LRP1B: variants seen among roughly 807,000 people sequenced by gnomAD.
The protein encoded by LRP1B is low-density lipoprotein receptor-related protein 1B.
A neutral mutation model predicts 556.6 loss-of-function variants in LRP1B; 217 were observed. The observed-to-expected ratio is 0.39, with a 90% CI of 0.35 to 0.44. LRP1B has a LOEUF of 0.44. LRP1B is among the 20% of genes least tolerant of loss of function. The pLI, the probability that LRP1B is intolerant of heterozygous loss-of-function variation, is 1.00. For synonymous variants in LRP1B, 2,047 were observed against 1,865.8 expected (o/e 1.10, Z -2.50); for missense variants, 5,053 against 5,620.8 (o/e 0.90, Z 3.23).
At chr2:142,114,891 A>T (rs533959128) in intron 1 of LRP1B, among the ~76,000 whole-genome samples, 2 of 152,142 alleles carry the variant, frequency 1.3e-5, no homozygotes, top group African/African-American at 2.4e-5. Context: ...AAAGTGAAAG[A>T]TTTGGAATGT....
intron 43 of LRP1B, among the ~76,000 whole-genome samples, chr2:140,554,088 AT>A (rs1680643653): frequency 6.6e-6 from 1 of 151,932 alleles, no homozygotes; most frequent in African/African-American, 2.4e-5. Flanking sequence ...ATTATTTTTC[AT>A]TTTTCTTTGG....
At position 140,281,106 on chromosome 2, in the gene LRP1B, T is replaced by A. The variant is rs1033335683; in HGVS notation, c.12968-6508A>T. Among the ~76,000 whole-genome samples the A allele has an allele frequency of 5.3e-5, 8 of 151,534 alleles. No homozygotes were observed. The East Asian group carries it at 7.8e-4, about 15-fold the overall frequency. ...TTCAAGGGAGATCATTATTGCACACTCTCTCTTTTTCTTTCTCTTTTAATG... is the reference window on the plus strand; with the variant it reads ...TTCAAGGGAGATCATTATTGCACACACTCTCTTTTTCTTTCTCTTTTAATG... On this transcript the variant is annotated intron_variant, in intron 84 of 90. Transcript: ENST00000389484.
At chr2:141,916,680 C>T (rs1700045305) in intron 1 of LRP1B, among the ~76,000 whole-genome samples, 1 of 151,988 alleles carries the variant, frequency 6.6e-6, no homozygotes, top group African/African-American at 2.4e-5. Context: ...CCGCGCCCGG[C>T]CCCACACCTT....
Position 141,708,289 on chromosome 2 carries a change from T to C in LRP1B, c.205+101990A>G, listed in dbSNP as rs572072253. 2.8e-4 allele frequency among the ~76,000 whole-genome samples: 43 copies of C among 152,092 alleles called. 1 individual carries two copies. The highest frequency in any genetic ancestry group is 5.3e-4 in the Non-Finnish European group (36 of 67,980). On this transcript the variant is annotated intron_variant, in intron 2 of 90. Coordinates refer to ENST00000389484, the MANE Select transcript of LRP1B (RefSeq NM_018557.3). ...ATGTATTCACCCCTAGATAGTGTAATGATATCAAAGGGGTGATAGAACAAC... is the reference window on the plus strand; with the variant it reads ...ATGTATTCACCCCTAGATAGTGTAACGATATCAAAGGGGTGATAGAACAAC...
At chr2:141,107,618 C>T (rs1700639381) in intron 7 of LRP1B, among the ~76,000 whole-genome samples, 1 of 151,728 alleles carries the variant, frequency 6.6e-6, no homozygotes, top group African/African-American at 2.4e-5. Flanking sequence ...TGCACTCCAG[C>T]CTGGCAACAG....
chr2:141,118,218 T>A (rs1700954856), intron 7 of LRP1B, among the ~76,000 whole-genome samples: 1 of 151,870 alleles, frequency 6.6e-6, no homozygotes, highest in Admixed American at 6.6e-5. Context: ...TAGAAATGGC[T>A]GCCAATTATT....
chr2:140,942,413 A>G (rs1304619788), intron 20 of LRP1B, among the ~76,000 whole-genome samples: 1 of 152,174 alleles, frequency 6.6e-6, no homozygotes, highest in Non-Finnish European at 1.5e-5. Context: ...AAGAGAGGTC[A>G]ACATACAGAT....
chr2:141,811,764 G>A (rs116605649), intron 1 of LRP1B, among the ~76,000 whole-genome samples: 80 of 152,088 alleles, frequency 5.3e-4, no homozygotes, highest in African/African-American at 1.9e-3. Flanking sequence ...AGCATACTTT[G>A]TATTTGGCCT....
At chr2:141,903,834 G>A (rs75120774) in intron 1 of LRP1B, among the ~76,000 whole-genome samples, 19 of 152,064 alleles carry the variant, frequency 1.2e-4, no homozygotes, top group Admixed American at 1.1e-3. Context: ...TAATGTGGTA[G>A]TTACGTGGTA....
chr2:140,773,599 A>G (rs1312556384), intron 33 of LRP1B, among the ~76,000 whole-genome samples: 8 of 151,622 alleles, frequency 5.3e-5, no homozygotes, highest in Admixed American at 5.3e-4. Context: ...ATAGCCATAT[A>G]TAAGTATTAT....
chr2:141,778,407 C>T (rs890817591), intron 2 of LRP1B, among the ~76,000 whole-genome samples: 1 of 152,134 alleles, frequency 6.6e-6, no homozygotes, highest in Admixed American at 6.6e-5. Flanking sequence ...CAAAATAGTC[C>T]TATTTATGGT....
At chr2:141,033,256 C>G (rs1461418027) in intron 11 of LRP1B, among the ~76,000 whole-genome samples, 1 of 151,846 alleles carries the variant, frequency 6.6e-6, no homozygotes, top group Non-Finnish European at 1.5e-5. Flanking sequence ...AGGGGAGGAA[C>G]AGTGGAAAAT....
At chr2:140,944,007 C>A (rs900976986) in intron 20 of LRP1B, among the ~76,000 whole-genome samples, 1 of 151,870 alleles carries the variant, frequency 6.6e-6, no homozygotes, top group South Asian at 2.1e-4. Context: ...AAAGAATAAA[C>A]AAGATCAATA....
chr2:140,909,231 G>T (rs1694347010), intron 21 of LRP1B, among the ~76,000 whole-genome samples: 1 of 152,068 alleles, frequency 6.6e-6, no homozygotes, highest in African/African-American at 2.4e-5. Context: ...TGTACCTAAA[G>T]ATAATACTAG....
At chr2:140,388,179 C>T (rs573645488) in intron 66 of LRP1B, among the ~76,000 whole-genome samples, 8 of 152,168 alleles carry the variant, frequency 5.3e-5, no homozygotes, top group African/African-American at 1.4e-4. Context: ...TCAGGTGATC[C>T]GCCAGTCTCA....
chr2:141,578,100 A>G (rs1463414859), intron 2 of LRP1B, among the ~76,000 whole-genome samples: 1 of 152,202 alleles, frequency 6.6e-6, no homozygotes, highest in Non-Finnish European at 1.5e-5. Flanking sequence ...GTGTTTAGCC[A>G]AAAGAAATCA....
At chr2:141,516,559 C>A (rs1468863751) in intron 2 of LRP1B, among the ~76,000 whole-genome samples, 5 of 152,000 alleles carry the variant, frequency 3.3e-5, no homozygotes, top group Admixed American at 2.0e-4. Context: ...TTTCACTAAA[C>A]CTTGTTAAAA....
At chr2:140,862,337 C>A (rs886954106) in intron 27 of LRP1B, among the ~76,000 whole-genome samples, 4 of 152,114 alleles carry the variant, frequency 2.6e-5, no homozygotes, top group African/African-American at 9.7e-5. Context: ...TTTCAGTGTC[C>A]AGAAATTAAG....
intron 35 of LRP1B, among the ~76,000 whole-genome samples, chr2:140,741,291 G>A (rs1010670077): frequency 6.6e-5 from 10 of 152,000 alleles, no homozygotes; most frequent in Admixed American, 2.0e-4. Flanking sequence ...ATGACAAAGC[G>A]AAGCCATGCC....
Sources: gnomAD v4.1 joint callset for allele counts (sites outside exome capture counted in the v4.1 genomes callset) on GRCh38, gnomAD v4.1.1 for gene constraint, MANE v1.5 for transcripts, NCBI Gene and HGNC (gene_info 2026-07-23, HGNC 2026-07-21) for gene names.